SBF2: variants seen among roughly 807,000 people sequenced by gnomAD.
SBF2 encodes myotubularin-related protein 13.
In SBF2, 112 loss-of-function variants were observed where a neutral mutation model predicts 225.2. That is an observed-to-expected ratio of 0.50 (90% CI 0.43 to 0.58). SBF2 has a LOEUF of 0.58. Among genes scored for constraint, SBF2 ranks in the 20% least tolerant of loss-of-function variants. The pLI, the probability that SBF2 is intolerant of heterozygous loss-of-function variation, is 0.00. For synonymous variants in SBF2, 763 were observed against 773.3 expected, an observed-to-expected ratio of 0.99 and a Z score of 0.22; for missense variants, 1,996 against 2,206.2, an observed-to-expected ratio of 0.90 and a Z score of 1.91.
At chr11:10,040,575 G>C (rs1420514533) in intron 3 of SBF2, among the ~76,000 whole-genome samples, 1 of 151,858 alleles carries the variant, frequency 6.6e-6, no homozygotes, top group African/African-American at 2.4e-5. Flanking sequence ...AAAAGGGATG[G>C]GGGGGTGCTA....
intron 1 of SBF2, among the ~76,000 whole-genome samples, chr11:10,243,074 A>C (rs562498145): frequency 6.6e-6 from 1 of 152,328 alleles, no homozygotes; most frequent in African/African-American, 2.4e-5. Flanking sequence ...GGTTGATCAC[A>C]TGCTAGGTCA....
intron 32 of SBF2, among the ~76,000 whole-genome samples, chr11:9,801,192 T>G (rs1853471836): frequency 6.6e-6 from 1 of 152,346 alleles, no homozygotes; most frequent in South Asian, 2.1e-4. Flanking sequence ...ATTTTGTTGT[T>G]CAAAATAATT....
intron 17 of SBF2, among the ~76,000 whole-genome samples, chr11:9,860,054 T>C (rs1395705432): frequency 6.6e-6 from 1 of 152,182 alleles, no homozygotes; most frequent in Non-Finnish European, 1.5e-5. Flanking sequence ...AGTTACTGTC[T>C]ACCTATGGGA....
At chr11:9,977,198 T>C (rs1279501517) in intron 13 of SBF2, among the ~76,000 whole-genome samples, 4 of 152,092 alleles carry the variant, frequency 2.6e-5, no homozygotes, top group Admixed American at 1.3e-4. Flanking sequence ...TCAAGAATCA[T>C]AGAGGCCAGG....
At chr11:9,811,613 T>G (rs746034305) in intron 30 of SBF2, among the ~76,000 whole-genome samples, 2 of 152,176 alleles carry the variant, frequency 1.3e-5, no homozygotes. Flanking sequence ...TTAATAATAA[T>G]GAACACAGCA....
chr11:10,249,244 T>C (rs78771714), intron 1 of SBF2, among the ~76,000 whole-genome samples: 3,104 of 152,122 alleles, frequency 0.02, 101 homozygotes, highest in African/African-American at 0.063. Flanking sequence ...ACAAAAAAAA[T>C]TGTAAAGGGT....
intron 33 of SBF2, among the ~76,000 whole-genome samples, chr11:9,792,386 G>C (rs185808374): frequency 2.5e-4 from 38 of 151,434 alleles, no homozygotes; most frequent in Admixed American, 4.6e-4. Context: ...AGCTGAGATC[G>C]TGCCACTGCA....
chr11:10,297,061 T>C (rs1264594865), upstream of SBF2, among the ~76,000 whole-genome samples: 1 of 152,204 alleles, frequency 6.6e-6, no homozygotes, highest in Non-Finnish European at 1.5e-5. Flanking sequence ...CTTTGTCTTT[T>C]TGAGGTTGAG....
At chr11:10,246,291 T>C (rs74849787) in intron 1 of SBF2, among the ~76,000 whole-genome samples, 5,995 of 152,288 alleles carry the variant, frequency 0.039, 139 homozygotes, top group Non-Finnish European at 0.055. Flanking sequence ...TTCTTTCTTT[T>C]TTGTGTTTTT....
intron 32 of SBF2, among the ~76,000 whole-genome samples, chr11:9,799,831 C>T (rs1158335419): frequency 6.6e-6 from 1 of 152,186 alleles, no homozygotes; most frequent in African/African-American, 2.4e-5. Flanking sequence ...ATGGAACTCA[C>T]CTAGACTCTT....
At chr11:10,098,611 T>C (rs1283193193) in intron 2 of SBF2, among the ~76,000 whole-genome samples, 1 of 144,408 alleles carries the variant, frequency 6.9e-6, no homozygotes, top group African/African-American at 2.6e-5. Flanking sequence ...CTACAAGAGG[T>C]CACAGACAAC....
At chr11:9,983,546 G>A (rs547148663) in intron 13 of SBF2, among the ~76,000 whole-genome samples, 7 of 152,024 alleles carry the variant, frequency 4.6e-5, no homozygotes, top group Non-Finnish European at 7.4e-5. Flanking sequence ...CAAGGGCCCC[G>A]CCCACCACTG....
At chr11:10,125,819 G>A (rs1953723102) in intron 2 of SBF2, among the ~76,000 whole-genome samples, 1 of 152,136 alleles carries the variant, frequency 6.6e-6, no homozygotes, top group South Asian at 2.1e-4. Flanking sequence ...TAATTTCTCA[G>A]TCTTTTCTTT....
chr11:10,240,488 G>C (rs1959193452), intron 1 of SBF2, among the ~76,000 whole-genome samples: 1 of 152,116 alleles, frequency 6.6e-6, no homozygotes, highest in Admixed American at 6.6e-5. Context: ...CAGTTTTCAT[G>C]TCCAACACAA....
intron 8 of SBF2, among the ~76,000 whole-genome samples, chr11:10,000,276 T>A (rs1947902718): frequency 6.6e-6 from 1 of 152,236 alleles, no homozygotes; most frequent in Non-Finnish European, 1.5e-5. Flanking sequence ...GATTATTACC[T>A]GAGAAAATTT....
At chr11:10,196,866 A>ATATATATATATATATATTTTTTT in intron 1 of SBF2, among the ~76,000 whole-genome samples, 12 of 99,302 alleles carry the variant, frequency 1.2e-4, no homozygotes, top group South Asian at 7.0e-4. Context: ...ATATATATAT[A>ATATATATATATATATATTTTTTT]TTTTTTTTTT....
chr11:9,895,611 A>G (rs1479783654), intron 17 of SBF2, among the ~76,000 whole-genome samples: 2 of 152,174 alleles, frequency 1.3e-5, no homozygotes, highest in South Asian at 4.1e-4. Context: ...AGGACAGACA[A>G]TATTCCAGCC....
chr11:9,856,599 C>T lies in SBF2; in HGVS notation c.2222G>A (p.Ser741Asn), dbSNP rs765498314. 4 of 1,614,112 alleles carry T rather than the reference C, an allele frequency of 2.5e-6. No homozygotes were observed. The Admixed American group carries it at 5.0e-5, about 20-fold the overall frequency. The part of the protein sequence containing the change: ...TQQELVQHEE[S>N]TVFSQAIHFA... Reference sequence around the variant, plus strand: ...GTGAATGGCCTGACTAAAGACAGTGCTTTCCTCATGTTGCACTAGCTCTTG... The same window carrying T: ...GTGAATGGCCTGACTAAAGACAGTGTTTTCCTCATGTTGCACTAGCTCTTG... The change falls in exon 19 of 40, where the codon AGC becomes AAC. Residue 741 changes from serine to asparagine, a missense_variant. Physicochemically the swap from Ser to Asn is conservative, Grantham distance 46. Coordinates refer to ENST00000256190, the MANE Select transcript of SBF2 (RefSeq NM_030962.4).
intron 1 of SBF2, among the ~76,000 whole-genome samples, chr11:10,286,153 T>C (rs974818083): frequency 5.3e-5 from 7 of 131,210 alleles, no homozygotes; most frequent in African/African-American, 2.0e-4. Flanking sequence ...TTTCTTCACA[T>C]AAACACGCAC....
Sources: allele counts gnomAD v4.1 joint callset (sites outside exome capture counted in the v4.1 genomes callset), GRCh38; gene constraint gnomAD v4.1.1; transcripts MANE v1.5; gene names NCBI Gene and HGNC (gene_info 2026-07-23, HGNC 2026-07-21).